Variants in ABCA2 observed in about 807,000 individuals in gnomAD.
The protein encoded by ABCA2 is ATP-binding cassette sub-family A member 2.
Under a neutral mutation model 262.8 loss-of-function variants are expected in ABCA2, and 84 were observed. That is an observed-to-expected ratio of 0.32 (90% confidence interval 0.27 to 0.38). The LOEUF (loss-of-function observed/expected upper bound fraction) is 0.38. ABCA2 is among the 10% of genes least tolerant of loss of function. The pLI is 1.00. For synonymous variants in ABCA2, 1,696 were observed against 1,502.9 expected, an observed-to-expected ratio of 1.13 and a Z score of -2.97; for missense variants, 2,662 against 3,405.9, an observed-to-expected ratio of 0.78 and a Z score of 5.44.
rs371513766 is a variant in ABCA2, at chr9:137,021,916, C to T, written c.653G>A (p.Gly218Glu). 1.9e-6 allele frequency: 3 copies of T among 1,602,456 alleles called. No individual in the cohort carries two copies. Among genetic ancestry groups the T allele is most frequent in the African/African-American group, 1.3e-5 (1 of 74,742 alleles). ...HKGQEPWSRLGGNPLFRMEEL... is the reference protein window; with the variant it reads ...HKGQEPWSRLEGNPLFRMEEL... ...CTCCATCCGGAACAGGGGATTGCCCCCTAGGCGGCTCCAGGGCTCCTGACC... is the reference window on the plus strand; with the variant it reads ...CTCCATCCGGAACAGGGGATTGCCCTCTAGGCGGCTCCAGGGCTCCTGACC... Residue 218 changes from glycine (G) to glutamate (E), a missense_variant, in exon 7 of 49, where the codon GGG (glycine) becomes GAG (glutamate). Gly to Glu is a moderately conservative substitution (Grantham distance 98, BLOSUM62 -2). This residue lies in a region of ABCA2 where 403 missense variants were observed against 375.9 expected (regional missense o/e 1.07). Coordinates refer to ENST00000341511, the MANE Select transcript of ABCA2 (RefSeq NM_001606.5). This position sits in a 1 kb window ranked among gnomAD's most constrained non-coding sequence, Gnocchi z 6.0.
In ABCA2 at chr9:137,025,479, G is replaced by A. The variant is rs116455383; in HGVS notation, c.67-1243C>T. On this transcript the variant is annotated intron_variant, in intron 1 of 48. Transcript: ENST00000341511. Reference sequence around the variant, plus strand: ...CCCAGTGTGCTGTGTGGCCCGGGCCGAGTCCCCGGTCCCTGGGGTGGGGGC... The same window carrying A: ...CCCAGTGTGCTGTGTGGCCCGGGCCAAGTCCCCGGTCCCTGGGGTGGGGGC... 7.0e-3 allele frequency among the ~76,000 whole-genome samples: 1,072 copies of A among 152,336 alleles called. 19 individuals carry two copies. The highest frequency in any genetic ancestry group is 0.023 in the African/African-American group (960 of 41,578).
Position 137,012,724 on chromosome 9 carries a change from A to T in ABCA2, c.5069T>A (p.Phe1690Tyr), listed in dbSNP as rs745336795. ...CCACCCAGCTCACCGGTGCAGTCGG[A>T]AGCGGTCGGAGGTGAAGAGCAGGTA... ...SEYLLFTSDR[F>Y]RLHRYGAITF... The change falls in exon 31 of 49, where the codon TTC (phenylalanine) becomes TAC (tyrosine). Residue 1690 changes from phenylalanine to tyrosine, a missense_variant. Phe to Tyr is a conservative substitution (Grantham distance 22, BLOSUM62 3). Coordinates refer to ENST00000341511, the MANE Select transcript of ABCA2 (RefSeq NM_001606.5). The T allele has an allele frequency of 5.0e-6, 8 of 1,612,520 alleles. No individual in the cohort carries two copies. Among genetic ancestry groups the T allele is most frequent in the Non-Finnish European group, 6.8e-6 (8 of 1,179,830 alleles).
chr9:137,012,081 T>A, intron 34 of ABCA2, 21 bp downstream of exon 34: 2 of 1,612,292 alleles, frequency 1.2e-6, no homozygotes, highest in Non-Finnish European at 1.7e-6. Context: ...CCCCACCTCA[T>A]CCCCCACTGG....
Position 137,024,219 on chromosome 9 carries a change from C to T in ABCA2, c.84G>A (p.Glu28=). The change falls in exon 2 of 49, where the codon GAG becomes GAA. Residue 28 remains glutamate (E), a synonymous_variant. Transcript: ENST00000341511. ...KRRSPWVLAF[E]IFIPLVLFFI... ...AGAACAGCACCAGGGGGATGAAGAT[C>T]TCGAAGGCCAGGACCCACTGGAAAG... is the stretch of plus-strand genomic sequence containing the variant. 2 of 1,611,562 alleles carry T rather than the reference C, an allele frequency of 1.2e-6. No homozygotes were observed. The highest frequency in any genetic ancestry group is 1.7e-6 in the Non-Finnish European group (2 of 1,179,282).
chr9:137,022,310 C>A, intron 6 of ABCA2, 41 bp downstream of exon 6: 1 of 1,553,440 alleles, frequency 6.4e-7, no homozygotes, highest in Admixed American at 2.0e-5. Flanking sequence ...GTGGCTGGGG[C>A]AGAAGGGAGT....
At chr9:137,015,310 C>A in intron 24 of ABCA2, 104 bp downstream of exon 24, 2 of 1,381,620 alleles carry the variant, frequency 1.4e-6, no homozygotes, top group Non-Finnish European at 1.9e-6. Context: ...CATCCTGGGC[C>A]CAGCGGGTGA....
Position 137,019,139 on chromosome 9 carries a change from A to T in ABCA2, c.1554+39T>A, listed in dbSNP as rs1368059743. ...AGCCGGGCAGAGAGGGGCTCCCCAC[A>T]CCACCCACAGCCGCCTCCCTCGCGG... On this transcript the variant is annotated intron_variant, in intron 11 of 48. Transcript: ENST00000341511. The surrounding 1 kb of genome is among the most constrained non-coding windows in gnomAD (Gnocchi z 4.4). 2.5e-6 allele frequency: 4 copies of T among 1,604,498 alleles called. No homozygotes were observed. The South Asian group carries it at 4.4e-5, about 18-fold the overall frequency.
chr9:137,021,759 A>C lies in ABCA2; in HGVS notation c.678+132T>G. On this transcript the variant is annotated intron_variant, in intron 7 of 48. Coordinates refer to ENST00000341511, the MANE Select transcript of ABCA2 (RefSeq NM_001606.5). This position sits in a 1 kb window ranked among gnomAD's most constrained non-coding sequence, Gnocchi z 6.0. ...CCTCTACCCCTCATGCCTGCCATAG[A>C]CCCCTGGGACCCTCCCCCTCTCCCA... The C allele has an allele frequency of 2.5e-6, 3 of 1,207,280 alleles. No homozygotes were observed. In the South Asian group the frequency reaches 4.2e-5, roughly 17 times the overall value. 74.8% of individuals were successfully genotyped at this position (1,207,280 alleles called of 1,614,324 possible).
rs1326220196 is a variant in ABCA2 at position 137,011,421 on chromosome 9, A to T, written c.5785T>A (p.Phe1929Ile). Residue 1929 changes from phenylalanine to isoleucine, a missense_variant, in exon 37 of 49, where the codon TTC (phenylalanine) becomes ATC (isoleucine). By Grantham distance (21) the Phe-to-Ile change is conservative (BLOSUM62 0). Transcript: ENST00000341511. This position sits in a 1 kb window ranked among gnomAD's most constrained non-coding sequence, Gnocchi z 8.8. The stretch of plus-strand genomic sequence containing the variant: ...CACCGCCCCACCTTGTCGTGCTCGA[A>T]GAGCTGTAGCAGGAAGGTGGCCACG... ...ATVATFLLQLFEHDKDLKVVN... is the reference protein window; with the variant it reads ...ATVATFLLQLIEHDKDLKVVN... The T allele has an allele frequency of 6.2e-7, 1 of 1,611,428 alleles. No individual in the cohort carries two copies. The highest frequency in any genetic ancestry group is 8.5e-7 in the Non-Finnish European group (1 of 1,179,392).
Position 137,009,538 on chromosome 9 carries a change from C to T in ABCA2, c.6734+3G>A. On this transcript the variant is annotated splice_donor_region_variant and intron_variant, in intron 44 of 48. Coordinates refer to ENST00000341511, the MANE Select transcript of ABCA2 (RefSeq NM_001606.5). ...CACAAAGAGGGGGTGGGGGCGCCCT[C>T]ACCTGTGTGATGTCAGCACCACTGA... The T allele has an allele frequency of 6.2e-7, 1 of 1,612,704 alleles. No homozygotes were observed. Among genetic ancestry groups the T allele is most frequent in the Non-Finnish European group, 8.5e-7 (1 of 1,179,898 alleles).
intron 27 of ABCA2, 42 bp downstream of exon 27, chr9:137,014,126 T>G (rs998179833): frequency 1.3e-6 from 2 of 1,591,430 alleles, no homozygotes; most frequent in Admixed American, 1.7e-5. Context: ...GCAACCCTGC[T>G]CCCCCTCCCT....
Position 137,007,617 on chromosome 9 carries a change from G to T in ABCA2, c.*312C>A. 2.1e-6 allele frequency: 1 copy of T among 484,024 alleles called. No homozygotes were observed. The highest frequency in any genetic ancestry group is 3.7e-6 in the Non-Finnish European group (1 of 267,158). The allele number at this position is 484,024 out of a possible 1,614,324, so 30.0% of individuals were successfully genotyped here. On this transcript the variant is annotated 3_prime_UTR_variant, in exon 49 of 49. Transcript: ENST00000341511. ...AAGGCCAGCAGTGCCTGGTCCAGCC[G>T]GCGTCGCCTTGGGCGGTGAGCAGTG...
chr9:137,024,166 T>C lies in ABCA2; in HGVS notation c.137A>G (p.Lys46Arg), dbSNP rs1301829648. 12 of 1,611,386 alleles carry C rather than the reference T, an allele frequency of 7.4e-6. No individual in the cohort carries two copies. The highest frequency in any genetic ancestry group is 1.0e-5 in the Non-Finnish European group (12 of 1,179,218). ...FFILLGLRQKKPTISVKEVSF... is the reference protein window; with the variant it reads ...FFILLGLRQKRPTISVKEVSF... ...ACCTTCCTTCACGGAGATGGTGGGC[T>C]TCTTCTGTCGCAGCCCCAGCAGGAT... The change falls in exon 2 of 49, where the codon AAG (lysine) becomes AGG (arginine). Residue 46 changes from lysine (K) to arginine (R), a missense_variant. Around this residue, in one of 12 missense-constraint regions of ABCA2, gnomAD observed 101 missense variants for 152.3 expected, o/e 0.66. Coordinates refer to ENST00000341511, the MANE Select transcript of ABCA2 (RefSeq NM_001606.5).
At chr9:137,023,270 G>C (rs1249717466) in intron 3 of ABCA2, 16 of 634,508 alleles carry the variant, frequency 2.5e-5, no homozygotes, top group Non-Finnish European at 1.1e-5. Context: ...AGAGGTCAAA[G>C]AGCCACTCAC....
rs1202125415 is a variant in ABCA2, at chr9:137,011,204, C to T, written c.5905G>A (p.Glu1969Lys). The change falls in exon 38 of 49, where the codon GAG becomes AAG. Residue 1969 changes from glutamate to lysine, a missense_variant. By Grantham distance (56) the Glu-to-Lys change is moderately conservative (BLOSUM62 1). Transcript: ENST00000341511. The surrounding 1 kb of genome is among the most constrained non-coding windows in gnomAD (Gnocchi z 8.8). ...CCCTCACCAATCTTGGCGTAGTACT[C>T]GTTGATGTACTCGTTGTAGGCCATC... ...MEMAYNEYIN[E>K]YYAKIGQFDK... is the part of the protein sequence containing the mutation. The T allele has an allele frequency of 6.2e-7, 1 of 1,612,412 alleles. No individual in the cohort carries two copies.
In ABCA2 at chr9:137,028,181, C is replaced by A; in HGVS notation, c.-41G>T. The A allele has an allele frequency of 2.0e-6, 2 of 980,572 alleles. No individual in the cohort carries two copies. The highest frequency in any genetic ancestry group is 9.0e-5 in the South Asian group (2 of 22,104). The allele number at this position is 980,572 out of a possible 1,614,324, so 60.7% of individuals were successfully genotyped here. A position where few individuals can be genotyped will look rare whatever the true frequency, so the allele number is the denominator to read the frequency against. On this transcript the variant is annotated 5_prime_UTR_variant, in exon 1 of 49. Coordinates refer to ENST00000341511, the MANE Select transcript of ABCA2 (RefSeq NM_001606.5). This position sits in a 1 kb window ranked among gnomAD's most constrained non-coding sequence, Gnocchi z 6.9. ...CGCCGCCTCAGCGCCGCGGCCCGCTCCTCTGCGCGCCCCGCCGGGCCCCGC... is the reference window on the plus strand; with the variant it reads ...CGCCGCCTCAGCGCCGCGGCCCGCTACTCTGCGCGCCCCGCCGGGCCCCGC...
chr9:137,016,692 G>A lies in ABCA2; in HGVS notation c.2805C>T (p.Ser935=). The A allele has an allele frequency of 6.3e-7, 1 of 1,588,798 alleles. No individual in the cohort carries two copies. The highest frequency in any genetic ancestry group is 8.6e-7 in the Non-Finnish European group (1 of 1,167,778). The change falls in exon 20 of 49, where the codon TCC becomes TCT. Residue 935 remains serine, a synonymous_variant. Transcript: ENST00000341511. ...CTGTCCGCCCACTGCCCAGCCAGTA[G>A]GACTTCTGCAGTGGGAAGTACCAGG... ...PRPWYFPLQK[S]YWLGSGRTEA...
At chr9:137,013,615 CCCCCAAGCCTCGGT>C in intron 28 of ABCA2, 52 bp from the exon 29 acceptor site, 1 of 1,535,442 alleles carries the variant, frequency 6.5e-7, no homozygotes. Context: ...TGGCCAGCGG[CCCCCAAGCCTCGGT>C]CCCCTTCCCC....
Position 137,012,697 on chromosome 9 carries a change from C to A in ABCA2, c.5081+15G>T, listed in dbSNP as rs1369325446. On this transcript the variant is annotated intron_variant, in intron 31 of 48. Transcript: ENST00000341511. ...GGCCGGCCACCCTCACCCACAGCCTCCCCACCCAGCTCACCGGTGCAGTCG... is the reference window on the plus strand; with the variant it reads ...GGCCGGCCACCCTCACCCACAGCCTACCCACCCAGCTCACCGGTGCAGTCG... The A allele has an allele frequency of 3.7e-6, 6 of 1,612,044 alleles. No homozygotes were observed. Among genetic ancestry groups the A allele is most frequent in the Non-Finnish European group, 5.1e-6 (6 of 1,179,466 alleles).
Sources: gnomAD v4.1 joint callset for allele counts (sites outside exome capture counted in the v4.1 genomes callset) on GRCh38, gnomAD v4.1.1 for gene constraint, gnomAD v4.1.1 regional missense constraint, Gnocchi (gnomAD v3.1) non-coding constraint, MANE v1.5 for transcripts, NCBI Gene and HGNC (gene_info 2026-07-23, HGNC 2026-07-21) for gene names.